The following NAV2 variants were observed in gnomAD, a reference collection of about 807,000 sequenced individuals.
NAV2 encodes neuron navigator 2.
Under a neutral mutation model 223.2 loss-of-function variants are expected in NAV2, and 54 were observed. The ratio of observed to expected loss-of-function variants is 0.24; its 90% CI spans 0.19 to 0.30. The LOEUF (loss-of-function observed/expected upper bound fraction) is 0.30, where lower values mean the gene tolerates loss of function less well. Among genes scored for constraint, NAV2 ranks in the 10% least tolerant of loss-of-function variants. The pLI is 1.00. For missense variants in NAV2, 2,806 were observed against 3,147.5 expected (o/e 0.89, Z 2.60); for synonymous variants, 1,279 against 1,239.3 (o/e 1.03, Z -0.67).
At position 20,044,241 on chromosome 11, in the gene NAV2, C is replaced by T; in HGVS notation, c.3168C>T (p.Ala1056=). Residue 1056 remains alanine, a synonymous_variant, in exon 13 of 38, where the codon GCC becomes GCT. Transcript: ENST00000349880. ...GITMPRTKPS[A]PAGALKTPGT... ...CCATGCCAAGGACGAAGCCTTCAGC[C>T]CCGGCAGGCGCACTGAAGACCCCAG... The T allele has an allele frequency of 6.2e-7, 1 of 1,612,536 alleles. No homozygotes were observed. The highest frequency in any genetic ancestry group is 8.5e-7 in the Non-Finnish European group (1 of 1,178,708).
intron 11 of NAV2, among the ~76,000 whole-genome samples, chr11:20,020,425 G>A (rs540341935): frequency 3.9e-5 from 6 of 152,226 alleles, no homozygotes; most frequent in Admixed American, 6.5e-5. Context: ...CTTGAAAAGC[G>A]CCAAAGGGCA....
chr11:20,050,132 G>A (rs1248662135), intron 16 of NAV2, among the ~76,000 whole-genome samples: 2 of 152,144 alleles, frequency 1.3e-5, no homozygotes, highest in African/African-American at 2.4e-5. Context: ...TTGGGAAGGC[G>A]ACCTTAAACC....
chr11:19,714,203 C>T, intron 1 of NAV2: 1 of 694,106 alleles, frequency 1.4e-6, no homozygotes, highest in Non-Finnish European at 2.6e-6. Context: ...GCGGGCACGT[C>T]TGCAGCATCT....
chr11:19,857,684 C>T (rs927719969), intron 3 of NAV2, among the ~76,000 whole-genome samples: 8 of 151,872 alleles, frequency 5.3e-5, no homozygotes, highest in Admixed American at 2.0e-4. Context: ...AGTTTGAGTC[C>T]AAGTTTATGT....
At chr11:19,704,421 T>G (rs1263322212) in intron 1 of NAV2, among the ~76,000 whole-genome samples, 2 of 152,222 alleles carry the variant, frequency 1.3e-5, no homozygotes, top group African/African-American at 4.8e-5. Flanking sequence ...CCTTTGATAG[T>G]ATACTGTCTA....
At chr11:19,754,508 A>G (rs1482686588) in intron 1 of NAV2, among the ~76,000 whole-genome samples, 1 of 152,194 alleles carries the variant, frequency 6.6e-6, no homozygotes, top group African/African-American at 2.4e-5. Context: ...CAGGAAGGTG[A>G]GGGCTGAGGC....
intron 11 of NAV2, among the ~76,000 whole-genome samples, chr11:20,014,885 C>T (rs1032051470): frequency 6.6e-6 from 1 of 151,976 alleles, no homozygotes; most frequent in East Asian, 1.9e-4. Flanking sequence ...CTGGGTGACA[C>T]AGCAAGACTT....
At chr11:19,595,115 T>C (rs921868647) in intron 1 of NAV2, among the ~76,000 whole-genome samples, 1 of 152,124 alleles carries the variant, frequency 6.6e-6, no homozygotes, top group Non-Finnish European at 1.5e-5. Flanking sequence ...CCACTGGACA[T>C]CCTCTTAGAG....
chr11:20,092,420 T>A, intron 28 of NAV2, 52 bp downstream of exon 28: 1 of 1,563,190 alleles, frequency 6.4e-7, no homozygotes, highest in Non-Finnish European at 8.7e-7. Context: ...GCTGGCACCC[T>A]GATCTCTAAG....
In NAV2 at chr11:19,509,453, G is replaced by A. The variant is rs12287868; in HGVS notation, c.75+158426G>A. ...TGTCCTGTGCACCCAGGGAAGGCTG[G>A]AATGTCTTGCTCAGCTTTTACTGCA... is the stretch of plus-strand genomic sequence containing the variant. On this transcript the variant is annotated intron_variant, in intron 1 of 37. Coordinates refer to the NAV2 transcript ENST00000360655. 5.4e-3 allele frequency among the ~76,000 whole-genome samples: 818 copies of A among 152,332 alleles called. 2 individuals carry two copies. The highest frequency in any genetic ancestry group is 8.7e-3 in the Non-Finnish European group (589 of 68,028).
intron 1 of NAV2, among the ~76,000 whole-genome samples, chr11:19,746,536 G>A (rs991673448): frequency 2.6e-5 from 4 of 152,166 alleles, no homozygotes; most frequent in Admixed American, 2.0e-4. Flanking sequence ...TTAATGAGGA[G>A]AACGCTAGAA....
chr11:19,620,737 T>C (rs1205384039), intron 1 of NAV2, among the ~76,000 whole-genome samples: 24 of 152,212 alleles, frequency 1.6e-4, no homozygotes, highest in Admixed American at 1.5e-3. Context: ...CTTTTCCTAA[T>C]TGAATACCTT....
At chr11:19,890,124 G>T (rs949299429) in intron 5 of NAV2, among the ~76,000 whole-genome samples, 1 of 152,182 alleles carries the variant, frequency 6.6e-6, no homozygotes. Flanking sequence ...ATACCCAATG[G>T]TATAACTGTT....
chr11:19,485,888 T>G (rs913841321), intron 1 of NAV2, among the ~76,000 whole-genome samples: 2 of 152,082 alleles, frequency 1.3e-5, no homozygotes, highest in Non-Finnish European at 2.9e-5. Flanking sequence ...ATTGCCAGGC[T>G]TGTGTTATTA....
intron 1 of NAV2, among the ~76,000 whole-genome samples, chr11:19,822,797 A>G (rs2059446777): frequency 6.6e-6 from 1 of 152,228 alleles, no homozygotes. Flanking sequence ...ACATATGTCA[A>G]GAGCAAAGGC....
At chr11:19,740,576 A>C (rs2052714298) in intron 1 of NAV2, among the ~76,000 whole-genome samples, 1 of 152,204 alleles carries the variant, frequency 6.6e-6, no homozygotes, top group African/African-American at 2.4e-5. Context: ...AAAAAAAATA[A>C]AAATAAAAAT....
At chr11:19,418,589 G>A (rs567186005) in intron 1 of NAV2, among the ~76,000 whole-genome samples, 1 of 152,348 alleles carries the variant, frequency 6.6e-6, no homozygotes, top group African/African-American at 2.4e-5. Context: ...GATGGTAGGA[G>A]AGCGTAGGGG....
At chr11:19,763,380 A>G (rs2054928623) in intron 1 of NAV2, among the ~76,000 whole-genome samples, 1 of 152,240 alleles carries the variant, frequency 6.6e-6, no homozygotes, top group Non-Finnish European at 1.5e-5. Flanking sequence ...CTTGCCTTCG[A>G]CTATCAGAAC....
At chr11:20,061,938 G>A (rs576694265) in intron 19 of NAV2, among the ~76,000 whole-genome samples, 1 of 152,194 alleles carries the variant, frequency 6.6e-6, no homozygotes, top group Admixed American at 6.5e-5. Context: ...GAAATATGCT[G>A]GAACAGTAAC....
Sources: allele counts gnomAD v4.1 joint callset (sites outside exome capture counted in the v4.1 genomes callset), GRCh38; gene constraint gnomAD v4.1.1; transcripts MANE v1.5; gene names NCBI Gene and HGNC (gene_info 2026-07-23, HGNC 2026-07-21).